CTNNA3: variants seen among roughly 807,000 people sequenced by gnomAD.
CTNNA3 encodes the protein catenin alpha-3.
In CTNNA3, 76 loss-of-function variants were observed where a neutral mutation model predicts 95.7. That is an observed-to-expected ratio of 0.79 (90% confidence interval 0.66 to 0.96). CTNNA3 has a LOEUF of 0.96. Ranked by LOEUF, CTNNA3 falls within the 40% of genes least tolerant of loss-of-function variation. The pLI is 0.00. For missense variants in CTNNA3, 1,191 were observed against 1,089.8 expected (o/e 1.09, Z -1.31); for synonymous variants, 431 against 374.4 (o/e 1.15, Z -1.74).
intron 7 of CTNNA3, among the ~76,000 whole-genome samples, chr10:66,859,074 T>G (rs530530441): frequency 6.6e-6 from 1 of 152,198 alleles, no homozygotes; most frequent in East Asian, 1.9e-4. Context: ...GATGTTAAAT[T>G]TAATAATAAT....
intron 5 of CTNNA3, among the ~76,000 whole-genome samples, chr10:67,302,925 G>A (rs1840383777): frequency 6.6e-6 from 1 of 152,172 alleles, no homozygotes; most frequent in Admixed American, 6.5e-5. Flanking sequence ...CAAGGGACAA[G>A]GAAAACATAG....
At chr10:66,572,703 T>A (rs1472931823) in intron 10 of CTNNA3, among the ~76,000 whole-genome samples, 1 of 152,122 alleles carries the variant, frequency 6.6e-6, no homozygotes, top group Non-Finnish European at 1.5e-5. Flanking sequence ...CATTTAACTT[T>A]CAAAACCTTT....
At chr10:66,779,729 C>A (rs1589246619) in intron 7 of CTNNA3, among the ~76,000 whole-genome samples, 1 of 152,190 alleles carries the variant, frequency 6.6e-6, no homozygotes, top group Non-Finnish European at 1.5e-5. Context: ...TTGATCTTCT[C>A]ATTTGCAATT....
intron 3 of CTNNA3, among the ~76,000 whole-genome samples, chr10:67,579,052 C>CAT (rs995396267): frequency 8.2e-6 from 1 of 122,276 alleles, no homozygotes; most frequent in African/African-American, 2.8e-5. Flanking sequence ...CACATATATG[C>CAT]ATATATATAC....
intron 12 of CTNNA3, among the ~76,000 whole-genome samples, chr10:66,359,979 A>C (rs999967165): frequency 1.3e-5 from 2 of 151,790 alleles, no homozygotes; most frequent in Admixed American, 1.3e-4. Context: ...GGTGCATGCC[A>C]CCACACCTGG....
chr10:66,243,382 C>T (rs149764791), intron 13 of CTNNA3, among the ~76,000 whole-genome samples: 3 of 152,254 alleles, frequency 2.0e-5, no homozygotes, highest in South Asian at 2.1e-4. Context: ...TGATAACAAA[C>T]ATTTGCCCTC....
At chr10:66,303,889 C>T (rs961788224) in intron 12 of CTNNA3, among the ~76,000 whole-genome samples, 1 of 151,976 alleles carries the variant, frequency 6.6e-6, no homozygotes, top group African/African-American at 2.4e-5. Flanking sequence ...CCACTGTGCC[C>T]GGTAAAACTT....
rs573146316 is a variant in CTNNA3 at position 67,205,363 on chromosome 10, T to A, written c.843+14244A>T. Among the ~76,000 whole-genome samples the A allele has an allele frequency of 6.6e-5, 10 of 152,294 alleles. No individual in the cohort carries two copies. The South Asian group carries it at 8.3e-4, about 13-fold the overall frequency. On this transcript the variant is annotated intron_variant, in intron 6 of 17. Coordinates refer to ENST00000433211, the MANE Select transcript of CTNNA3 (RefSeq NM_013266.4). ...TTAATGGTGTGTTCCTGTATGAAGG[T>A]TTTCTGGCAGATAAGGGGCCTCTTA...
intron 10 of CTNNA3, among the ~76,000 whole-genome samples, chr10:66,548,300 G>T (rs1223009723): frequency 1.3e-5 from 2 of 151,998 alleles, no homozygotes; most frequent in Non-Finnish European, 2.9e-5. Context: ...ACATAGAATT[G>T]CAATTGATTT....
chr10:67,195,672 G>A (rs1316283526), intron 6 of CTNNA3, among the ~76,000 whole-genome samples: 3 of 151,912 alleles, frequency 2.0e-5, no homozygotes, highest in Admixed American at 6.6e-5. Flanking sequence ...GATGTGTATC[G>A]TTCCACCAAT....
chr10:66,737,538 A>G (rs1849183892), intron 9 of CTNNA3, among the ~76,000 whole-genome samples: 1 of 152,256 alleles, frequency 6.6e-6, no homozygotes, highest in Non-Finnish European at 1.5e-5. Context: ...GTCTTCACAT[A>G]GAAATGACAA....
intron 11 of CTNNA3, among the ~76,000 whole-genome samples, chr10:66,418,611 C>T (rs1288172114): frequency 1.3e-5 from 2 of 149,862 alleles, no homozygotes; most frequent in African/African-American, 2.5e-5. Context: ...CTCTGATAAA[C>T]ATAAACACAA....
intron 7 of CTNNA3, among the ~76,000 whole-genome samples, chr10:66,830,297 T>C (rs1842669140): frequency 6.6e-6 from 1 of 152,212 alleles, no homozygotes; most frequent in African/African-American, 2.4e-5. Flanking sequence ...AGAATTTAAA[T>C]ATGTGTACCA....
chr10:67,449,210 T>C (rs1846873082), intron 5 of CTNNA3, among the ~76,000 whole-genome samples: 2 of 152,192 alleles, frequency 1.3e-5, no homozygotes, highest in African/African-American at 4.8e-5. Context: ...AAACATTCCA[T>C]GCTCATGGAT....
chr10:66,600,544 G>A (rs549657865), intron 10 of CTNNA3, among the ~76,000 whole-genome samples: 134 of 151,770 alleles, frequency 8.8e-4, no homozygotes, highest in Admixed American at 1.8e-3. Flanking sequence ...TTTACCTGAG[G>A]GAGTTCCTGT....
intron 5 of CTNNA3, among the ~76,000 whole-genome samples, chr10:67,225,148 T>C (rs750199914): frequency 2.2e-4 from 33 of 152,184 alleles, no homozygotes; most frequent in Admixed American, 2.0e-3. Context: ...GAGGCAGCCA[T>C]AATCTTCTTA....
At chr10:67,399,280 G>T (rs575799816) in intron 5 of CTNNA3, among the ~76,000 whole-genome samples, 36 of 152,230 alleles carry the variant, frequency 2.4e-4, no homozygotes, top group African/African-American at 7.7e-4. Context: ...AAACGAATTT[G>T]TTAGAGTGAC....
At chr10:66,972,927 A>G (rs1178448550) in intron 7 of CTNNA3, among the ~76,000 whole-genome samples, 1 of 151,992 alleles carries the variant, frequency 6.6e-6, no homozygotes, top group African/African-American at 2.4e-5. Flanking sequence ...GACAAGTTTC[A>G]TAGATTAAAA....
At position 66,407,272 on chromosome 10, in the gene CTNNA3, C is replaced by T. The variant is rs112766023; in HGVS notation, c.1532-27920G>A. On this transcript the variant is annotated intron_variant, in intron 11 of 17. Coordinates refer to ENST00000433211, the MANE Select transcript of CTNNA3 (RefSeq NM_013266.4). ...TCATTTTTATTATGTACTCTCAACTCGACCCAAAACACATCTAAAAAAACC... is the reference window on the plus strand; with the variant it reads ...TCATTTTTATTATGTACTCTCAACTTGACCCAAAACACATCTAAAAAAACC... Among the ~76,000 whole-genome samples the T allele has an allele frequency of 5.0e-4, 74 of 148,502 alleles. 1 individual carries two copies. Among genetic ancestry groups the T allele is most frequent in the African/African-American group, 1.7e-3 (66 of 38,746 alleles).
Sources: gnomAD v4.1 joint callset for allele counts (sites outside exome capture counted in the v4.1 genomes callset) on GRCh38, gnomAD v4.1.1 for gene constraint, MANE v1.5 for transcripts, NCBI Gene and HGNC (gene_info 2026-07-23, HGNC 2026-07-21) for gene names.